The following GARIN5B variants were observed in gnomAD, a reference collection of about 807,000 sequenced individuals.
The protein encoded by GARIN5B is golgi associated RAB2 interactor family member 5B, also known as Golgi-associated RAB2 interactor protein 5B.
At chr19:55,362,156 C>G in the GARIN5B span, 1 of 1,431,728 alleles carries the variant, frequency 7.0e-7, no homozygotes, top group African/African-American at 1.4e-5. Flanking sequence ...CCGGCCTAGA[C>G]TTTGGGCTCT....
At chr19:55,361,474 A>G in the GARIN5B span, 1 of 1,462,800 alleles carries the variant, frequency 6.8e-7, no homozygotes, top group Admixed American at 2.7e-5. Context: ...CCGGGCTTCC[A>G]CATCTCCATA....
the GARIN5B span, chr19:55,355,393 G>A: frequency 6.5e-7 from 1 of 1,541,608 alleles, no homozygotes; most frequent in Non-Finnish European, 8.8e-7. Context: ...ACAGGGTAGG[G>A]AGAGAGGGGT....
At chr19:55,362,106 GC>G in the GARIN5B span, 7 of 1,206,842 alleles carry the variant, frequency 5.8e-6, no homozygotes, top group South Asian at 1.0e-4. Flanking sequence ...AGGGGTCCAG[GC>G]CCCCAGCCCC....
the GARIN5B span, chr19:55,361,544 TC>T: frequency 8.5e-7 from 1 of 1,174,918 alleles, no homozygotes; most frequent in African/African-American, 1.6e-5. Flanking sequence ...ATCCAGCTCC[TC>T]CTGCCTCAGA....
the GARIN5B span, among the ~76,000 whole-genome samples, chr19:55,356,010 G>C: frequency 7.3e-5 from 11 of 150,908 alleles, no homozygotes; most frequent in Non-Finnish European, 1.2e-4. Flanking sequence ...AAACTTGGCT[G>C]GGCTTTTGGA....
At chr19:55,359,041 C>T in the GARIN5B span, 14 of 1,551,390 alleles carry the variant, frequency 9.0e-6, no homozygotes, top group African/African-American at 6.8e-5. Context: ...AGGGCGACTC[C>T]GGGGACTTGG....
the GARIN5B span, among the ~76,000 whole-genome samples, chr19:55,361,786 CA>C: frequency 3.1e-4 from 4 of 13,020 alleles, no homozygotes; most frequent in Non-Finnish European, 4.6e-4. Context: ...GTCCAGACCC[CA>C]CAGCCCCTCC....
chr19:55,359,647 G>A, the GARIN5B span: 1 of 1,550,922 alleles, frequency 6.4e-7, no homozygotes, highest in Non-Finnish European at 8.7e-7. Flanking sequence ...TACAAGATGT[G>A]ACAAGGCCAG....
chr19:55,358,035 CAG>C, the GARIN5B span: 2 of 1,212,474 alleles, frequency 1.6e-6, no homozygotes, highest in East Asian at 6.1e-5. Flanking sequence ...GCCTGGGTGA[CAG>C]AGTGAGACCC....
At chr19:55,355,714 G>A in the GARIN5B span, among the ~76,000 whole-genome samples, 2 of 152,164 alleles carry the variant, frequency 1.3e-5, no homozygotes, top group South Asian at 2.1e-4. Flanking sequence ...GGCCAGGTGC[G>A]GTGGCTCATG....
chr19:55,358,059 A>C, the GARIN5B span: 2 of 1,344,930 alleles, frequency 1.5e-6, no homozygotes, highest in Non-Finnish European at 1.9e-6. Flanking sequence ...GTCAAAAAAA[A>C]AAAAAAAAGT....
At chr19:55,362,934 C>T in the GARIN5B span, 46 of 1,503,794 alleles carry the variant, frequency 3.1e-5, no homozygotes, top group Admixed American at 9.6e-5. Context: ...AAGTTACTCT[C>T]GAACATGGGC....
At chr19:55,358,255 C>T in the GARIN5B span, 59 of 1,550,900 alleles carry the variant, frequency 3.8e-5, no homozygotes, top group Admixed American at 1.2e-4. Flanking sequence ...TTTCTGAAGA[C>T]GACCCCACAG....
chr19:55,355,299 G>A, the GARIN5B span: 8 of 1,549,734 alleles, frequency 5.2e-6, no homozygotes, highest in Admixed American at 2.0e-5. Context: ...TCCAACTGAG[G>A]TTAAGCCCCC....
chr19:55,356,361 C>T, the GARIN5B span, among the ~76,000 whole-genome samples: 4 of 152,080 alleles, frequency 2.6e-5, no homozygotes, highest in Non-Finnish European at 5.9e-5. Context: ...AGGCACATGG[C>T]ACCATGCCTA....
the GARIN5B span, among the ~76,000 whole-genome samples, chr19:55,356,558 G>A: frequency 3.3e-5 from 5 of 151,586 alleles, no homozygotes; most frequent in African/African-American, 4.8e-5. Flanking sequence ...CACCCTCCTC[G>A]GCCTCCCAAA....
At chr19:55,360,945 C>T in the GARIN5B span, 1 of 1,544,966 alleles carries the variant, frequency 6.5e-7, no homozygotes, top group Non-Finnish European at 8.8e-7. Flanking sequence ...GGCATCTGGG[C>T]TGGGGTCTCC....
At chr19:55,359,830 G>C in the GARIN5B span, 2 of 1,551,470 alleles carry the variant, frequency 1.3e-6, no homozygotes, top group Non-Finnish European at 1.7e-6. Flanking sequence ...AGTCCATGAG[G>C]TCTTCCGTGT....
chr19:55,356,259 G>A, the GARIN5B span, among the ~76,000 whole-genome samples: 1 of 152,060 alleles, frequency 6.6e-6, no homozygotes, highest in African/African-American at 2.4e-5. Context: ...TGCCCAGGCT[G>A]CAGTGCAGTG....
Sources: gnomAD v4.1 joint callset for allele counts (sites outside exome capture counted in the v4.1 genomes callset) on GRCh38, gnomAD v4.1.1 for gene constraint, MANE v1.5 for transcripts, NCBI Gene and HGNC (gene_info 2026-07-23, HGNC 2026-07-21) for gene names.